VDAC2: variants seen among roughly 807,000 people sequenced by gnomAD.
VDAC2 encodes the protein non-selective voltage-gated ion channel VDAC2.
VDAC2 carries 6 observed loss-of-function variants against 36.6 expected under a neutral mutation model. The observed-to-expected ratio is 0.16, with a 90% CI of 0.09 to 0.32. VDAC2 has a LOEUF of 0.32. Among genes scored for constraint, VDAC2 ranks in the 10% least tolerant of loss-of-function variants. The probability of loss-of-function intolerance (pLI) is 1.00; values close to 1 mark genes in which losing one functional copy is unlikely to be tolerated. For missense variants in VDAC2, 247 were observed against 346.0 expected (o/e 0.71, Z 2.27); for synonymous variants, 109 against 123.8 (o/e 0.88, Z 0.79).
intron 8 of VDAC2, among the ~76,000 whole-genome samples, chr10:75,226,078 C>T (rs1390944134): frequency 2.0e-5 from 3 of 152,180 alleles, no homozygotes. Flanking sequence ...CAGGTGTGAG[C>T]CACTGCGCCC....
At chr10:75,225,315 A>G (rs763708879) in intron 8 of VDAC2, among the ~76,000 whole-genome samples, 2 of 152,244 alleles carry the variant, frequency 1.3e-5, no homozygotes, top group African/African-American at 2.4e-5. Flanking sequence ...GGCACAAAAT[A>G]CAATTTTAAA....
At chr10:75,216,164 T>TTTTTTAATG (rs919151471) in intron 4 of VDAC2, among the ~76,000 whole-genome samples, 7 of 152,242 alleles carry the variant, frequency 4.6e-5, no homozygotes. Context: ...ATTTTTAGTG[T>TTTTTTAATG]TTTTTAATGT....
intron 6 of VDAC2, 79 bp from the exon 7 acceptor site, chr10:75,220,660 GTTTA>G: frequency 3.2e-6 from 4 of 1,236,198 alleles, no homozygotes; most frequent in Non-Finnish European, 4.6e-6. Context: ...TCATACTGCA[GTTTA>G]TTTAAGTCTG....
rs1564709488 is a variant in VDAC2, at chr10:75,214,008, C to CT, written c.101-12dup. 2 of 1,612,526 alleles carry CT rather than the reference C, an allele frequency of 1.2e-6. No individual in the cohort carries two copies. The highest frequency in any genetic ancestry group is 1.1e-5 in the South Asian group (1 of 90,934). On this transcript the variant is annotated splice_polypyrimidine_tract_variant and intron_variant, in intron 3 of 9. Coordinates refer to ENST00000332211, the MANE Select transcript of VDAC2 (RefSeq NM_001391963.1). The stretch of plus-strand genomic sequence containing the variant: ...GGAATCATTTTGTTTCTTTTGCTGT[C>CT]TATTTGTTGAAGGTTTTGGGTTGGT...
chr10:75,218,994 G>C, intron 4 of VDAC2, 69 bp from the exon 5 acceptor site: 1 of 1,475,206 alleles, frequency 6.8e-7, no homozygotes, highest in Non-Finnish European at 9.2e-7. Flanking sequence ...GTGTGTGTGT[G>C]CGTGTGTAAG....
intron 9 of VDAC2, among the ~76,000 whole-genome samples, chr10:75,230,096 G>T (rs970369756): frequency 1.3e-5 from 2 of 152,086 alleles, no homozygotes; most frequent in Non-Finnish European, 2.9e-5. Flanking sequence ...CTATAGTCTT[G>T]TTGACTTTAT....
At position 75,220,946 on chromosome 10, in the gene VDAC2, G is replaced by A. The variant is rs1214152981; in HGVS notation, c.560G>A (p.Gly187Glu). 11 of 1,612,678 alleles carry A rather than the reference G, an allele frequency of 6.8e-6. No homozygotes were observed. Among genetic ancestry groups the A allele is most frequent in the Non-Finnish European group, 9.3e-6 (11 of 1,179,188 alleles). The stretch of plus-strand genomic sequence containing the variant: ...AACTTTGCAGTGGGCTACAGGACTG[G>A]GGACTTCCAGCTACACACTAATGTG... ...RNNFAVGYRTGDFQLHTNVND... is the reference protein window; with the variant it reads ...RNNFAVGYRTEDFQLHTNVND... Residue 187 changes from glycine to glutamate, a missense_variant, in exon 7 of 10, where the codon GGG becomes GAG. By Grantham distance (98) the Gly-to-Glu change is moderately conservative. Coordinates refer to ENST00000332211, the MANE Select transcript of VDAC2 (RefSeq NM_001391963.1).
Position 75,229,728 on chromosome 10 carries a change from G to GT in VDAC2, c.793+31dup. 5 of 1,546,966 alleles carry GT rather than the reference G, an allele frequency of 3.2e-6. No individual in the cohort carries two copies. In the South Asian group the frequency reaches 5.0e-5, roughly 15 times the overall value. Reference sequence around the variant, plus strand: ...TAAGTATTCTTGATAAAGTAGGATTGTTTTGATAGTATTAAAAAATTTAGT... The same window carrying GT: ...TAAGTATTCTTGATAAAGTAGGATTGTTTTTGATAGTATTAAAAAATTTAGT... On this transcript the variant is annotated intron_variant, in intron 9 of 9. Transcript: ENST00000332211.
chr10:75,224,810 C>T (rs1209014198), intron 8 of VDAC2, among the ~76,000 whole-genome samples: 2 of 152,026 alleles, frequency 1.3e-5, no homozygotes, highest in African/African-American at 4.8e-5. Flanking sequence ...CTGTATTTTG[C>T]CCAGTTTGGA....
At position 75,220,963 on chromosome 10, in the gene VDAC2, A is replaced by G. The variant is rs761081608; in HGVS notation, c.577A>G (p.Thr193Ala). The G allele has an allele frequency of 6.2e-7, 1 of 1,612,580 alleles. No individual in the cohort carries two copies. Among genetic ancestry groups the G allele is most frequent in the Non-Finnish European group, 8.5e-7 (1 of 1,178,976 alleles). The change falls in exon 7 of 10, where the codon ACT (threonine) becomes GCT (alanine). Residue 193 changes from threonine (T) to alanine (A), a missense_variant. Transcript: ENST00000332211. Reference protein sequence around the residue: ...GYRTGDFQLHTNVNDGTEFGG... With the variant: ...GYRTGDFQLHANVNDGTEFGG... ...CAGGACTGGGGACTTCCAGCTACAC[A>G]CTAATGTGTAAGTATTTCTTTCATA...
At chr10:75,214,479 C>T (rs1392647245) in intron 4 of VDAC2, among the ~76,000 whole-genome samples, 1 of 152,154 alleles carries the variant, frequency 6.6e-6, no homozygotes, top group Non-Finnish European at 1.5e-5. Flanking sequence ...GCAGTTCTCC[C>T]TGGAGAAGAT....
chr10:75,212,362 C>T (rs1008231207), intron 3 of VDAC2, 64 bp downstream of exon 3: 3 of 1,386,994 alleles, frequency 2.2e-6, no homozygotes, highest in South Asian at 2.5e-5. Flanking sequence ...GGTTGCTTAG[C>T]GAAATCAGAT....
intron 8 of VDAC2, among the ~76,000 whole-genome samples, chr10:75,224,045 C>T (rs752162486): frequency 5.9e-5 from 9 of 152,186 alleles, no homozygotes; most frequent in Non-Finnish European, 1.2e-4. Flanking sequence ...GTGACCTGCT[C>T]TAGGAGATTA....
At position 75,219,051 on chromosome 10, in the gene VDAC2, T is replaced by A; in HGVS notation, c.151-12T>A. 1.2e-6 allele frequency: 2 copies of A among 1,603,924 alleles called. No homozygotes were observed. The highest frequency in any genetic ancestry group is 2.3e-5 in the South Asian group (2 of 88,888). ...ATGAGAATGTTCATGAAGTTATTGA[T>A]TGTCTTGTTAGGAATTTTCAACGTC... is the stretch of plus-strand genomic sequence containing the variant. On this transcript the variant is annotated splice_polypyrimidine_tract_variant and intron_variant, in intron 4 of 9. Transcript: ENST00000332211.
chr10:75,219,362 C>T lies in VDAC2; in HGVS notation c.356+6C>T, dbSNP rs1390073027. 3 of 1,589,554 alleles carry T rather than the reference C, an allele frequency of 1.9e-6. No homozygotes were observed. The highest frequency in any genetic ancestry group is 1.2e-5 in the South Asian group (1 of 86,326). On this transcript the variant is annotated splice_donor_region_variant and intron_variant, in intron 6 of 9. Coordinates refer to ENST00000332211, the MANE Select transcript of VDAC2 (RefSeq NM_001391963.1). Reference sequence around the variant, plus strand: ...ACCTTCTCACCAAACACAGGGTAAGCACAGACATTTTTATCTGTATTACAT... The same window carrying T: ...ACCTTCTCACCAAACACAGGGTAAGTACAGACATTTTTATCTGTATTACAT...
chr10:75,218,943 G>T, intron 4 of VDAC2, 120 bp from the exon 5 acceptor site: 1 of 933,996 alleles, frequency 1.1e-6, no homozygotes. Context: ...TAGGAAGCTA[G>T]AAAAAGGATT....
intron 8 of VDAC2, among the ~76,000 whole-genome samples, chr10:75,228,273 T>C (rs1008515437): frequency 2.8e-5 from 4 of 140,726 alleles, no homozygotes; most frequent in African/African-American, 1.0e-4. Context: ...TATTTTTCTT[T>C]CTTTTTTTTT....
At chr10:75,227,004 G>A (rs1270053354) in intron 8 of VDAC2, among the ~76,000 whole-genome samples, 1 of 152,194 alleles carries the variant, frequency 6.6e-6, no homozygotes, top group Non-Finnish European at 1.5e-5. Context: ...AAAGGACTGA[G>A]TCCAGGGGGC....
At chr10:75,214,192 T>C (rs1841526632) in intron 4 of VDAC2, 122 bp downstream of exon 4, 2 of 1,040,596 alleles carry the variant, frequency 1.9e-6, no homozygotes, top group South Asian at 2.9e-5. Context: ...TAACTTTGTT[T>C]TAAGAGATTT....
Sources: allele counts gnomAD v4.1 joint callset (sites outside exome capture counted in the v4.1 genomes callset), GRCh38; gene constraint gnomAD v4.1.1; transcripts MANE v1.5; gene names NCBI Gene and HGNC (gene_info 2026-07-23, HGNC 2026-07-21).